Variants in DGKB observed in about 807,000 individuals in gnomAD.
DGKB encodes diacylglycerol kinase beta, also known as 90 kDa diacylglycerol kinase.
DGKB carries 67 observed loss-of-function variants against 114.3 expected under a neutral mutation model. That is an observed-to-expected ratio of 0.59 (90% CI 0.48 to 0.72). The LOEUF (loss-of-function observed/expected upper bound fraction) is 0.72, where lower values mean the gene tolerates loss of function less well. DGKB is among the 30% of genes least tolerant of loss of function. The pLI, the probability that DGKB is intolerant of heterozygous loss-of-function variation, is 0.00. For missense variants in DGKB, 907 were observed against 975.2 expected (o/e 0.93, Z 0.93); for synonymous variants, 398 against 323.1 (o/e 1.23, Z -2.49).
intron 2 of DGKB, among the ~76,000 whole-genome samples, chr7:14,780,114 CTTCTGCATGCT>C (rs1838843102): frequency 6.6e-6 from 1 of 152,154 alleles, no homozygotes; most frequent in African/African-American, 2.4e-5. Flanking sequence ...AGTGATGTGC[CTTCTGCATGCT>C]TTCTCTGCCC....
intron 23 of DGKB, among the ~76,000 whole-genome samples, chr7:14,194,963 T>C (rs1784814177): frequency 6.6e-6 from 1 of 152,132 alleles, no homozygotes; most frequent in South Asian, 2.1e-4. Flanking sequence ...TGAAAAGTCA[T>C]CTACACCACA....
At chr7:14,681,673 T>C (rs538365673) in intron 12 of DGKB, among the ~76,000 whole-genome samples, 2 of 152,216 alleles carry the variant, frequency 1.3e-5, no homozygotes, top group South Asian at 2.1e-4. Flanking sequence ...TTGTACTACA[T>C]TATCAAAAAT....
At chr7:14,716,973 A>C (rs931365725) in intron 6 of DGKB, among the ~76,000 whole-genome samples, 1 of 152,000 alleles carries the variant, frequency 6.6e-6, no homozygotes. Context: ...CATCTAGTGT[A>C]AGCTTGAAAA....
intron 2 of DGKB, among the ~76,000 whole-genome samples, chr7:14,803,032 T>A (rs1842373300): frequency 1.3e-5 from 2 of 151,700 alleles, no homozygotes; most frequent in African/African-American, 4.8e-5. Flanking sequence ...GAACTGGGAG[T>A]AGGTTGCAGT....
intron 6 of DGKB, among the ~76,000 whole-genome samples, chr7:14,709,950 A>G (rs1011126068): frequency 1.3e-5 from 2 of 151,478 alleles, no homozygotes; most frequent in Non-Finnish European, 2.9e-5. Flanking sequence ...CATGTACCCT[A>G]AAACTTAAAG....
At chr7:14,451,804 T>C (rs1831551775) in intron 21 of DGKB, among the ~76,000 whole-genome samples, 2 of 152,054 alleles carry the variant, frequency 1.3e-5, no homozygotes, top group Non-Finnish European at 2.9e-5. Flanking sequence ...AGATCAGCTA[T>C]TTACTTAATC....
At chr7:14,611,084 C>G (rs1805464381) in intron 16 of DGKB, among the ~76,000 whole-genome samples, 2 of 152,194 alleles carry the variant, frequency 1.3e-5, no homozygotes, top group African/African-American at 4.8e-5. Flanking sequence ...GTCTGCCTTT[C>G]TCCTTCTTTC....
intron 17 of DGKB, among the ~76,000 whole-genome samples, chr7:14,585,657 G>T (rs940645991): frequency 6.6e-6 from 1 of 152,122 alleles, no homozygotes; most frequent in South Asian, 2.1e-4. Context: ...ATTGAGTTTA[G>T]CAGATACTGC....
At chr7:14,510,569 T>C (rs1021219917) in intron 20 of DGKB, among the ~76,000 whole-genome samples, 2 of 152,134 alleles carry the variant, frequency 1.3e-5, no homozygotes, top group African/African-American at 2.4e-5. Context: ...CTCAGAGTCA[T>C]ACATGAGGGT....
intron 6 of DGKB, among the ~76,000 whole-genome samples, chr7:14,716,821 T>G (rs969589196): frequency 4.6e-5 from 7 of 152,072 alleles, no homozygotes; most frequent in Non-Finnish European, 7.4e-5. Flanking sequence ...ATCACCAGAT[T>G]AGAAGATAGG....
intron 20 of DGKB, among the ~76,000 whole-genome samples, chr7:14,491,887 T>C (rs1784649465): frequency 6.6e-6 from 1 of 152,026 alleles, no homozygotes; most frequent in Admixed American, 6.6e-5. Context: ...GACTCATAAT[T>C]TATCTAACTT....
chr7:14,589,363 C>A (rs1173061826), intron 17 of DGKB, among the ~76,000 whole-genome samples: 2 of 151,798 alleles, frequency 1.3e-5, no homozygotes, highest in African/African-American at 4.8e-5. Context: ...AATCTCTAGT[C>A]TTTATAATTG....
At chr7:14,342,963 T>C (rs1244897645) in intron 22 of DGKB, among the ~76,000 whole-genome samples, 3 of 151,890 alleles carry the variant, frequency 2.0e-5, no homozygotes, top group African/African-American at 4.8e-5. Flanking sequence ...TATTCTGTTA[T>C]ATATTTTTCA....
At chr7:14,706,355 A>G (rs1307687083) in intron 6 of DGKB, among the ~76,000 whole-genome samples, 2 of 144,306 alleles carry the variant, frequency 1.4e-5, no homozygotes, top group African/African-American at 5.2e-5. Context: ...AGACTCCCAC[A>G]CAATAATAAT....
intron 4 of DGKB, among the ~76,000 whole-genome samples, chr7:14,739,539 G>A (rs1241885918): frequency 1.3e-5 from 2 of 152,110 alleles, no homozygotes; most frequent in Non-Finnish European, 2.9e-5. Context: ...ACCCTTCAAT[G>A]TGTCCGCATG....
Position 14,733,614 on chromosome 7 carries a change from G to C in DGKB, c.322+2427C>G, listed in dbSNP as rs537798727. On this transcript the variant is annotated intron_variant, in intron 5 of 25. Coordinates refer to ENST00000402815, the MANE Select transcript of DGKB (RefSeq NM_001350709.2). ...GGGGCAGGAGGATCTCTTGAATCCA[G>C]AAGGCAGAGGTTGCAGTGAGCCAAG... Among the ~76,000 whole-genome samples, 6 of 152,188 alleles carry C rather than the reference G, an allele frequency of 3.9e-5. No individual in the cohort carries two copies. The East Asian group carries it at 1.2e-3, about 29-fold the overall frequency.
intron 23 of DGKB, among the ~76,000 whole-genome samples, chr7:14,230,997 G>T (rs1194750618): frequency 2.0e-5 from 3 of 152,000 alleles, no homozygotes; most frequent in Non-Finnish European, 2.9e-5. Flanking sequence ...CTTCCAGGAG[G>T]ACAAGGGCTA....
intron 2 of DGKB, among the ~76,000 whole-genome samples, chr7:14,825,327 T>A (rs1277640269): frequency 6.6e-6 from 1 of 152,066 alleles, no homozygotes; most frequent in Non-Finnish European, 1.5e-5. Flanking sequence ...GTGCACTTTA[T>A]TCTATTATTA....
At chr7:14,698,719 T>G (rs1824552484) in intron 7 of DGKB, among the ~76,000 whole-genome samples, 1 of 152,136 alleles carries the variant, frequency 6.6e-6, no homozygotes, top group African/African-American at 2.4e-5. Flanking sequence ...AAATTTTAGT[T>G]TGAATTTCCA....
Sources: allele counts gnomAD v4.1 joint callset (sites outside exome capture counted in the v4.1 genomes callset), GRCh38; gene constraint gnomAD v4.1.1; transcripts MANE v1.5; gene names NCBI Gene and HGNC (gene_info 2026-07-23, HGNC 2026-07-21).